The following PIAS1 variants were observed in gnomAD, a reference collection of about 807,000 sequenced individuals.
The protein encoded by PIAS1 is E3 SUMO-protein ligase PIAS1.
A neutral mutation model predicts 71.3 loss-of-function variants in PIAS1; 6 were observed. The ratio of observed to expected loss-of-function variants is 0.08; its 90% CI spans 0.05 to 0.17. The LOEUF is 0.17. PIAS1 is among the 10% of genes least tolerant of loss of function. The probability of loss-of-function intolerance (pLI) is 1.00; values close to 1 mark genes in which losing one functional copy is unlikely to be tolerated. For missense variants in PIAS1, 555 were observed against 793.6 expected, an observed-to-expected ratio of 0.70 and a Z score of 3.61; for synonymous variants, 303 against 292.9, an observed-to-expected ratio of 1.03 and a Z score of -0.35.
chr15:68,155,463 A>C (rs898894565), intron 7 of PIAS1, among the ~76,000 whole-genome samples: 1 of 151,270 alleles, frequency 6.6e-6, no homozygotes, highest in Non-Finnish European at 1.5e-5. Flanking sequence ...AAAAAAAAAA[A>C]AAAAAAAAAC....
intron 6 of PIAS1, among the ~76,000 whole-genome samples, chr15:68,152,324 T>A (rs1279406879): frequency 6.6e-6 from 1 of 152,158 alleles, no homozygotes; most frequent in Non-Finnish European, 1.5e-5. Context: ...TTTTGACACT[T>A]CTTTTTCCTC....
rs144885764 is a variant in PIAS1 at position 68,110,001 on chromosome 15, A to G, written c.469+23251A>G. Among the ~76,000 whole-genome samples, 610 of 152,266 alleles carry G rather than the reference A, an allele frequency of 4.0e-3. 2 individuals carry two copies. The highest frequency in any genetic ancestry group is 0.014 in the African/African-American group (564 of 41,538). ...ATTTTTACTCCTGTGGAATTTCTCA[A>G]TTTTTAATATGGTAATGTATTTTGT... On this transcript the variant is annotated intron_variant, in intron 2 of 13. Transcript: ENST00000249636.
chr15:68,160,941 A>G (rs1290807384), intron 7 of PIAS1, among the ~76,000 whole-genome samples: 1 of 152,224 alleles, frequency 6.6e-6, no homozygotes, highest in South Asian at 2.1e-4. Context: ...GAGATCCTAG[A>G]CAGCACAATA....
intron 2 of PIAS1, among the ~76,000 whole-genome samples, chr15:68,094,291 T>C (rs1277731499): frequency 6.6e-6 from 1 of 151,866 alleles, no homozygotes; most frequent in African/African-American, 2.4e-5. Context: ...CTTTTTCCTA[T>C]TTAAAGTAGA....
intron 1 of PIAS1, among the ~76,000 whole-genome samples, chr15:68,082,187 G>A (rs1051015166): frequency 2.0e-5 from 3 of 152,018 alleles, no homozygotes; most frequent in Non-Finnish European, 4.4e-5. Context: ...TAAAAACATC[G>A]TACCTCACAT....
intron 11 of PIAS1, among the ~76,000 whole-genome samples, chr15:68,179,592 T>A (rs1366569663): frequency 8.7e-6 from 1 of 114,660 alleles, no homozygotes; most frequent in African/African-American, 3.3e-5. Flanking sequence ...TTTTTTTTTT[T>A]GAGACAGAGT....
In PIAS1 at chr15:68,176,503, G is replaced by A. The variant is rs780831680; in HGVS notation, c.1330G>A (p.Val444Ile). ...CTTGAGCTCCACATTGGAGCATCAGGTAGCGTCTCACCACCAGTCCTCAAA... is the reference window on the plus strand; with the variant it reads ...CTTGAGCTCCACATTGGAGCATCAGATAGCGTCTCACCACCAGTCCTCAAA... ...GCLSSTLEHQ[V>I]ASHHQSSNKN... The change falls in exon 11 of 14, where the codon GTA (valine) becomes ATA (isoleucine). Residue 444 changes from valine to isoleucine, a missense_variant. Physicochemically the swap from Val to Ile is conservative, Grantham distance 29. Around this residue, in one of 5 missense-constraint regions of PIAS1, gnomAD observed 244 missense variants for 307.5 expected, o/e 0.79. Transcript: ENST00000249636. The A allele has an allele frequency of 5.0e-6, 8 of 1,609,104 alleles. No homozygotes were observed. Among genetic ancestry groups the A allele is most frequent in the African/African-American group, 4.0e-5 (3 of 74,630 alleles).
At chr15:68,156,021 T>A (rs948963542) in intron 7 of PIAS1, among the ~76,000 whole-genome samples, 5 of 152,234 alleles carry the variant, frequency 3.3e-5, no homozygotes, top group African/African-American at 1.2e-4. Context: ...GTCCTCGCTT[T>A]ATTTTGTTCA....
chr15:68,114,784 CTT>C (rs2092551779), intron 2 of PIAS1, among the ~76,000 whole-genome samples: 1 of 151,296 alleles, frequency 6.6e-6, no homozygotes, highest in Non-Finnish European at 1.5e-5. Flanking sequence ...CATGATTCGT[CTT>C]TTTATTTTTG....
intron 8 of PIAS1, among the ~76,000 whole-genome samples, chr15:68,165,122 A>G (rs2092949114): frequency 6.6e-6 from 1 of 152,024 alleles, no homozygotes; most frequent in Non-Finnish European, 1.5e-5. Context: ...ATTTATTTTT[A>G]TTATTGTTAT....
intron 2 of PIAS1, among the ~76,000 whole-genome samples, chr15:68,101,151 C>T (rs1399023114): frequency 2.6e-5 from 4 of 152,110 alleles, no homozygotes; most frequent in Non-Finnish European, 5.9e-5. Flanking sequence ...CTTCTCCCCT[C>T]AACCTCCCAA....
rs765747175 is a variant in PIAS1 at position 68,164,798 on chromosome 15, A to G, written c.1002A>G (p.Leu334=). 1.8e-5 allele frequency: 29 copies of G among 1,568,344 alleles called. No individual in the cohort carries two copies. In the Admixed American group the frequency reaches 2.6e-4, roughly 14 times the overall value. The change falls in exon 8 of 14, where the codon CTA becomes CTG. Residue 334 remains leucine, a synonymous_variant. Transcript: ENST00000249636. ...IATTSLRVSL[L]CPLGKMRLTI... ...CAACCAGCCTAAGGGTTTCTCTACTATGTCCAGTAAGTGTTAACTATTACT... is the reference window on the plus strand; with the variant it reads ...CAACCAGCCTAAGGGTTTCTCTACTGTGTCCAGTAAGTGTTAACTATTACT...
intron 4 of PIAS1, among the ~76,000 whole-genome samples, chr15:68,142,629 G>A (rs1458313563): frequency 3.6e-5 from 1 of 28,106 alleles, no homozygotes; most frequent in Non-Finnish European, 7.4e-5. Flanking sequence ...TCCCCTGCCC[G>A]CCCACCCCCC....
intron 1 of PIAS1, among the ~76,000 whole-genome samples, chr15:68,068,136 G>C (rs1002671624): frequency 1.3e-5 from 2 of 152,206 alleles, no homozygotes; most frequent in Admixed American, 6.5e-5. Flanking sequence ...ACTTTGGGAG[G>C]CTGAAGTGTG....
At position 68,185,875 on chromosome 15, in the gene PIAS1, T is replaced by A. The variant is rs989221013; in HGVS notation, c.1663-1667T>A. Among the ~76,000 whole-genome samples, 2 of 151,976 alleles carry A rather than the reference T, an allele frequency of 1.3e-5. No individual in the cohort carries two copies. Among genetic ancestry groups the A allele is most frequent in the Admixed American group, 1.3e-4 (2 of 15,250 alleles). On this transcript the variant is annotated intron_variant, in intron 13 of 13. Transcript: ENST00000249636. The surrounding 1 kb of genome is among the most constrained non-coding windows in gnomAD (Gnocchi z 4.4). Reference sequence around the variant, plus strand: ...TACTCGGGAGGCTGAGGCAGAAGAATCACTTGAACCTGGGAGGCGGAGGTT... The same window carrying A: ...TACTCGGGAGGCTGAGGCAGAAGAAACACTTGAACCTGGGAGGCGGAGGTT...
intron 2 of PIAS1, among the ~76,000 whole-genome samples, chr15:68,127,857 G>C (rs1329871207): frequency 1.3e-5 from 2 of 152,086 alleles, no homozygotes; most frequent in Non-Finnish European, 2.9e-5. Context: ...CCTCCTGCAG[G>C]GTTCAAGCAA....
At chr15:68,126,062 T>G (rs879386565) in intron 2 of PIAS1, among the ~76,000 whole-genome samples, 4 of 152,058 alleles carry the variant, frequency 2.6e-5, no homozygotes, top group Non-Finnish European at 5.9e-5. Flanking sequence ...TGTAGGATTC[T>G]TTTTATGTGC....
chr15:68,122,954 A>G (rs1417046212), intron 2 of PIAS1, among the ~76,000 whole-genome samples: 1 of 151,770 alleles, frequency 6.6e-6, no homozygotes, highest in African/African-American at 2.4e-5. Context: ...ATCTGCAAGA[A>G]TTGAGAAGCT....
Position 68,086,465 on chromosome 15 carries a change from A to G in PIAS1, c.184A>G (p.Arg62Gly). The change falls in exon 2 of 14, where the codon AGG becomes GGG. Residue 62 changes from arginine (R) to glycine (G), a missense_variant. Coordinates refer to ENST00000249636, the MANE Select transcript of PIAS1 (RefSeq NM_016166.3). This position sits in a 1 kb window ranked among gnomAD's most constrained non-coding sequence, Gnocchi z 7.2. ...AVQMKIKELY[R>G]RRFPQKIMTP... ...GCAAATGAAAATTAAGGAACTCTATAGGCGGCGGTTCCCACAGAAAATCAT... is the reference window on the plus strand; with the variant it reads ...GCAAATGAAAATTAAGGAACTCTATGGGCGGCGGTTCCCACAGAAAATCAT... 1 of 1,613,984 alleles carries G rather than the reference A, an allele frequency of 6.2e-7. No homozygotes were observed. The highest frequency in any genetic ancestry group is 8.5e-7 in the Non-Finnish European group (1 of 1,179,884).
Sources: allele counts gnomAD v4.1 joint callset (sites outside exome capture counted in the v4.1 genomes callset), GRCh38; gene constraint gnomAD v4.1.1; regional missense constraint gnomAD v4.1.1; non-coding constraint Gnocchi (gnomAD v3.1); transcripts MANE v1.5; gene names NCBI Gene and HGNC (gene_info 2026-07-23, HGNC 2026-07-21).